The following DGKG variants were observed in gnomAD, a reference collection of about 807,000 sequenced individuals.
The protein encoded by DGKG is DAG kinase gamma.
A neutral mutation model predicts 105.3 loss-of-function variants in DGKG; 78 were observed. The ratio of observed to expected loss-of-function variants is 0.74; its 90% confidence interval spans 0.62 to 0.89. DGKG has a LOEUF of 0.89. Among genes scored for constraint, DGKG ranks in the 40% least tolerant of loss-of-function variants. The probability of loss-of-function intolerance (pLI) is 0.00; values close to 1 mark genes in which losing one functional copy is unlikely to be tolerated. For missense variants in DGKG, 958 were observed against 1,020.1 expected, an observed-to-expected ratio of 0.94 and a Z score of 0.83; for synonymous variants, 346 against 367.1, an observed-to-expected ratio of 0.94 and a Z score of 0.66.
chr3:186,159,738 T>C (rs576377495), intron 24 of DGKG: 1 of 152,378 alleles, frequency 6.6e-6, no homozygotes, highest in South Asian at 2.1e-4. Context: ...CCTTCTGTTA[T>C]GGAATAAATT....
In DGKG at chr3:186,298,203, C is replaced by G. The variant is rs1229480180; in HGVS notation, c.171G>C (p.Leu57=). The change falls in exon 4 of 25, where the codon CTG becomes CTC. Residue 57 remains leucine, a synonymous_variant. Transcript: ENST00000265022. ...HEPISYDVFK[L]FMRAYLEVDL... is the part of the protein sequence containing the mutation. Reference sequence around the variant, plus strand: ...CCACCTCCAGGTACGCCCTCATGAACAGCTTGAAGACATCATAGCTAATCG... The same window carrying G: ...CCACCTCCAGGTACGCCCTCATGAAGAGCTTGAAGACATCATAGCTAATCG... The G allele has an allele frequency of 1.2e-6, 2 of 1,610,502 alleles. No individual in the cohort carries two copies. Among genetic ancestry groups the G allele is most frequent in the Non-Finnish European group, 1.7e-6 (2 of 1,178,544 alleles).
intron 3 of DGKG, among the ~76,000 whole-genome samples, chr3:186,303,999 A>G (rs964801407): frequency 2.0e-5 from 3 of 152,266 alleles, no homozygotes; most frequent in Admixed American, 6.5e-5. Context: ...AGAGAACGAA[A>G]TCAGAGTGAC....
chr3:186,311,716 G>A (rs940472860), intron 2 of DGKG, among the ~76,000 whole-genome samples: 11 of 152,236 alleles, frequency 7.2e-5, no homozygotes, highest in African/African-American at 9.6e-5. Context: ...ACAGGGGTGC[G>A]TTCCATCTGA....
rs1337883165 is a variant in DGKG, at chr3:186,154,517, C to T, written c.2278-4329G>A. On this transcript the variant is annotated intron_variant, in intron 24 of 24. Coordinates refer to ENST00000265022, the MANE Select transcript of DGKG (RefSeq NM_001346.3). ...AAAATTAGCCAGGTGTGGTAGTGGG[C>T]GCCTGGAATTCCAGCTACTTGGGAG... 4.0e-5 allele frequency among the ~76,000 whole-genome samples: 6 copies of T among 151,724 alleles called. No individual in the cohort carries two copies. In the East Asian group the frequency reaches 5.8e-4, roughly 15 times the overall value.
chr3:186,233,109 C>T (rs906299233), intron 20 of DGKG, among the ~76,000 whole-genome samples: 9 of 152,024 alleles, frequency 5.9e-5, no homozygotes, highest in African/African-American at 2.2e-4. Context: ...GGCAAAGGGG[C>T]GAAGGGGGAA....
rs768140518 is a variant in DGKG, at chr3:186,253,172, G to A, written c.1521C>T (p.Asn507=). ...GWILDCIDKA[N]FAKHPPVAVL... The stretch of plus-strand genomic sequence containing the variant: ...CAGCCACTGGTGGATGCTTTGCAAA[G>A]TTGGCCTTATCTGCAAGACACACAG... The change falls in exon 18 of 25, where the codon AAC becomes AAT. Residue 507 remains asparagine (N), a synonymous_variant. Coordinates refer to ENST00000265022, the MANE Select transcript of DGKG (RefSeq NM_001346.3). 9.3e-6 allele frequency: 15 copies of A among 1,614,148 alleles called. No individual in the cohort carries two copies. In the Admixed American group the frequency reaches 2.3e-4, roughly 25 times the overall value.
chr3:186,316,706 G>A lies in DGKG; in HGVS notation c.67+3687C>T, dbSNP rs185270677. 4.7e-3 allele frequency among the ~76,000 whole-genome samples: 709 copies of A among 152,336 alleles called. 28 individuals carry two copies. The highest frequency in any genetic ancestry group is 0.045 in the Admixed American group (682 of 15,302). On this transcript the variant is annotated intron_variant, in intron 2 of 24. Coordinates refer to ENST00000265022, the MANE Select transcript of DGKG (RefSeq NM_001346.3). Reference sequence around the variant, plus strand: ...CCTCACCCTATAGAAGGTCACCAGAGAAGGTGCCAACTTTACACTATATAA... The same window carrying A: ...CCTCACCCTATAGAAGGTCACCAGAAAAGGTGCCAACTTTACACTATATAA...
intron 22 of DGKG, among the ~76,000 whole-genome samples, chr3:186,171,973 A>T (rs1296253363): frequency 6.6e-6 from 1 of 151,796 alleles, no homozygotes; most frequent in African/African-American, 2.4e-5. Flanking sequence ...CTCCCACCTC[A>T]GCCTCCCAAT....
chr3:186,347,219 C>T (rs563438040), intron 1 of DGKG, among the ~76,000 whole-genome samples: 7 of 152,068 alleles, frequency 4.6e-5, no homozygotes, highest in Middle Eastern at 3.4e-3. Context: ...GAGGCCGAGG[C>T]GGGCGGATCA....
intron 10 of DGKG, among the ~76,000 whole-genome samples, chr3:186,273,367 CT>C (rs375667915): frequency 0.047 from 4,050 of 85,564 alleles, 710 homozygotes; most frequent in African/African-American, 0.15. Flanking sequence ...TGTTGTACCC[CT>C]TTTTTTTTTT....
intron 20 of DGKG, among the ~76,000 whole-genome samples, chr3:186,233,478 CGTT>C (rs146286671): frequency 0.18 from 27,252 of 152,066 alleles, 3,154 homozygotes; most frequent in Non-Finnish European, 0.26. Flanking sequence ...CCGTTTTTGT[CGTT>C]GTTGTTGTTG....
chr3:186,170,017 G>A (rs565551123), intron 22 of DGKG, among the ~76,000 whole-genome samples: 2 of 152,310 alleles, frequency 1.3e-5, no homozygotes, highest in South Asian at 2.1e-4. Context: ...AGCACTAGCC[G>A]ATGCACAAAT....
At chr3:186,232,802 A>G (rs1190328810) in intron 20 of DGKG, among the ~76,000 whole-genome samples, 1 of 152,224 alleles carries the variant, frequency 6.6e-6, no homozygotes, top group Non-Finnish European at 1.5e-5. Context: ...CTTACACCCT[A>G]TTTAATATTA....
rs1727202789 is a variant in DGKG at position 186,361,018 on chromosome 3, G to C, written c.-249+928C>G. On this transcript the variant is annotated intron_variant, in intron 1 of 24. Transcript: ENST00000265022. The surrounding 1 kb of genome is among the most constrained non-coding windows in gnomAD (Gnocchi z 6.8). The stretch of plus-strand genomic sequence containing the variant: ...CGGGCACCACTGCGGCGCAGCCACA[G>C]ATCGCTTCGCGCTGCAGCAGACGCT... Among the ~76,000 whole-genome samples, 1 of 152,236 alleles carries C rather than the reference G, an allele frequency of 6.6e-6. No homozygotes were observed. The highest frequency in any genetic ancestry group is 2.4e-5 in the African/African-American group (1 of 41,468).
intron 11 of DGKG, 27 bp downstream of exon 11, chr3:186,272,228 T>C (rs1722349619): frequency 6.4e-7 from 1 of 1,556,268 alleles, no homozygotes; most frequent in African/African-American, 1.4e-5. Flanking sequence ...AGGCATGCAG[T>C]AGAACAAGGC....
At chr3:186,240,279 C>T (rs1413612035) in intron 20 of DGKG, among the ~76,000 whole-genome samples, 1 of 152,162 alleles carries the variant, frequency 6.6e-6, no homozygotes, top group East Asian at 1.9e-4. Flanking sequence ...GGTTTTTGCT[C>T]CCATAGGTCA....
chr3:186,281,590 C>T (rs1722832139), intron 7 of DGKG, among the ~76,000 whole-genome samples: 1 of 152,120 alleles, frequency 6.6e-6, no homozygotes, highest in Non-Finnish European at 1.5e-5. Flanking sequence ...GTCCAAATAG[C>T]AAGCTAAAAC....
At chr3:186,358,226 G>C (rs1055361134) in intron 1 of DGKG, among the ~76,000 whole-genome samples, 1 of 152,254 alleles carries the variant, frequency 6.6e-6, no homozygotes, top group African/African-American at 2.4e-5. Flanking sequence ...GCCTTCAGGG[G>C]GCTCATAGTT....
At position 186,320,432 on chromosome 3, in the gene DGKG, T is replaced by A; in HGVS notation, c.28A>T (p.Thr10Ser). The A allele has an allele frequency of 6.2e-7, 1 of 1,614,124 alleles. No homozygotes were observed. MGEERWVSL[T>S]PEEFDQLQKY... is the part of the protein sequence containing the mutation. ...TGGAGTTGGTCAAATTCTTCTGGAG[T>A]GAGGGAGACCCACCGTTCTTCACCC... Residue 10 changes from threonine to serine, a missense_variant, in exon 2 of 25, where the codon ACT becomes TCT. This residue lies in a region of DGKG where 643 missense variants were observed against 619.5 expected (regional missense o/e 1.04). Transcript: ENST00000265022.
Sources: gnomAD v4.1 joint callset for allele counts (sites outside exome capture counted in the v4.1 genomes callset) on GRCh38, gnomAD v4.1.1 for gene constraint, gnomAD v4.1.1 regional missense constraint, Gnocchi (gnomAD v3.1) non-coding constraint, MANE v1.5 for transcripts, NCBI Gene and HGNC (gene_info 2026-07-23, HGNC 2026-07-21) for gene names.